The following DCC variants were observed in gnomAD, a reference collection of about 807,000 sequenced individuals.
DCC encodes DCC netrin 1 receptor.
Under a neutral mutation model 172.5 loss-of-function variants are expected in DCC, and 58 were observed. That is an observed-to-expected ratio of 0.34 (90% CI 0.27 to 0.42). The LOEUF is 0.42. Ranked by LOEUF, DCC falls within the 10% of genes least tolerant of loss-of-function variation. The pLI, the probability that DCC is intolerant of heterozygous loss-of-function variation, is 1.00. For missense variants in DCC, 1,740 were observed against 1,791.0 expected (o/e 0.97, Z 0.51); for synonymous variants, 709 against 644.5 (o/e 1.10, Z -1.52).
intron 9 of DCC, among the ~76,000 whole-genome samples, chr18:53,189,067 C>A (rs1252139073): frequency 6.6e-6 from 1 of 152,080 alleles, no homozygotes; most frequent in Admixed American, 6.5e-5. Context: ...CCCTGTGAAT[C>A]TTAGTAAGAA....
chr18:52,766,648 G>A (rs1033323860), intron 2 of DCC, among the ~76,000 whole-genome samples: 1 of 151,972 alleles, frequency 6.6e-6, no homozygotes, highest in African/African-American at 2.4e-5. Flanking sequence ...CTGTTCCTCT[G>A]AAGTCAAGCC....
chr18:53,446,888 A>G (rs1912645011), intron 22 of DCC, among the ~76,000 whole-genome samples: 1 of 152,136 alleles, frequency 6.6e-6, no homozygotes, highest in Admixed American at 6.6e-5. Flanking sequence ...TGGTCCCCAA[A>G]TGTAGTGCTG....
intron 8 of DCC, among the ~76,000 whole-genome samples, chr18:53,164,528 G>A (rs1263885824): frequency 6.6e-6 from 1 of 152,168 alleles, no homozygotes; most frequent in Non-Finnish European, 1.5e-5. Context: ...CTGTGGAATT[G>A]AACCACCTGG....
At chr18:53,351,568 C>T (rs1485204610) in intron 15 of DCC, among the ~76,000 whole-genome samples, 1 of 139,840 alleles carries the variant, frequency 7.2e-6, no homozygotes, top group East Asian at 2.1e-4. Flanking sequence ...TCATCATTTT[C>T]CTTTTGTTAA....
intron 15 of DCC, among the ~76,000 whole-genome samples, chr18:53,356,034 A>C (rs1671590833): frequency 6.6e-6 from 1 of 152,058 alleles, no homozygotes; most frequent in Admixed American, 6.6e-5. Context: ...GCAATTAAAC[A>C]GATACCTTAT....
chr18:53,053,668 A>T (rs2042364370), intron 5 of DCC, among the ~76,000 whole-genome samples: 1 of 152,144 alleles, frequency 6.6e-6, no homozygotes, highest in African/African-American at 2.4e-5. Context: ...TTTCCTCTCA[A>T]ATACCAACAG....
intron 12 of DCC, among the ~76,000 whole-genome samples, chr18:53,297,675 T>G (rs1242549724): frequency 6.6e-6 from 1 of 152,184 alleles, no homozygotes; most frequent in African/African-American, 2.4e-5. Flanking sequence ...GGAAATGAAG[T>G]CTGAACTACT....
chr18:52,730,059 C>T (rs2036613373), intron 1 of DCC, among the ~76,000 whole-genome samples: 1 of 152,134 alleles, frequency 6.6e-6, no homozygotes, highest in Non-Finnish European at 1.5e-5. Flanking sequence ...AGCAAAACTT[C>T]TAAATAACCT....
chr18:53,128,866 C>CAT (rs1304598836), intron 7 of DCC, among the ~76,000 whole-genome samples: 19 of 86,908 alleles, frequency 2.2e-4, no homozygotes, highest in Non-Finnish European at 3.7e-4. Context: ...CACACACACA[C>CAT]ACACATATAT....
At chr18:52,641,514 T>A (rs965638293) in intron 1 of DCC, among the ~76,000 whole-genome samples, 1 of 151,264 alleles carries the variant, frequency 6.6e-6, no homozygotes, top group African/African-American at 2.4e-5. Flanking sequence ...AACAAATCTG[T>A]AAGAAAAAAA....
At chr18:53,293,663 C>A (rs965309698) in intron 12 of DCC, among the ~76,000 whole-genome samples, 3 of 152,026 alleles carry the variant, frequency 2.0e-5, no homozygotes, top group Non-Finnish European at 4.4e-5. Context: ...CTTTTGCCTC[C>A]CTTTTTGTGT....
intron 12 of DCC, among the ~76,000 whole-genome samples, chr18:53,301,246 C>T (rs1411106110): frequency 6.6e-6 from 1 of 151,644 alleles, no homozygotes; most frequent in African/African-American, 2.4e-5. Context: ...TGCGCTACCA[C>T]GCCTGGCTAA....
At chr18:53,320,078 T>TG (rs1389434078) in intron 13 of DCC, among the ~76,000 whole-genome samples, 1 of 148,682 alleles carries the variant, frequency 6.7e-6, no homozygotes, top group Non-Finnish European at 1.5e-5. Context: ...TACTTTTTTT[T>TG]TTTTTTTTTT....
intron 9 of DCC, among the ~76,000 whole-genome samples, chr18:53,180,953 T>C (rs2055187455): frequency 6.6e-6 from 1 of 152,198 alleles, no homozygotes; most frequent in South Asian, 2.1e-4. Context: ...TTTCTCTTCA[T>C]AGATCATCTA....
intron 1 of DCC, among the ~76,000 whole-genome samples, chr18:52,382,698 G>A (rs929473739): frequency 6.6e-6 from 1 of 152,210 alleles, no homozygotes; most frequent in African/African-American, 2.4e-5. Flanking sequence ...GATGATATCA[G>A]GGTTCTGCCT....
chr18:53,449,715 C>T (rs1375167955), intron 22 of DCC, among the ~76,000 whole-genome samples: 2 of 152,132 alleles, frequency 1.3e-5, no homozygotes, highest in East Asian at 1.9e-4. Context: ...ACCTTCCACT[C>T]AGTAGGAAAG....
chr18:52,506,596 A>T (rs759210922), intron 1 of DCC, among the ~76,000 whole-genome samples: 1 of 152,158 alleles, frequency 6.6e-6, no homozygotes, highest in South Asian at 2.1e-4. Flanking sequence ...TGCCTATGTT[A>T]CTTCAATCTG....
At chr18:52,544,223 A>T (rs1473069946) in intron 1 of DCC, among the ~76,000 whole-genome samples, 1 of 152,176 alleles carries the variant, frequency 6.6e-6, no homozygotes, top group Non-Finnish European at 1.5e-5. Context: ...TTGCCAAGTC[A>T]TTATTCCGTT....
In DCC at chr18:52,810,053, A is replaced by G. The variant is rs111401286; in HGVS notation, c.412+57679A>G. 7.0e-3 allele frequency among the ~76,000 whole-genome samples: 1,066 copies of G among 152,150 alleles called. 7 individuals carry two copies. The highest frequency in any genetic ancestry group is 0.024 in the African/African-American group (997 of 41,488). On this transcript the variant is annotated intron_variant, in intron 2 of 28. Coordinates refer to ENST00000442544, the MANE Select transcript of DCC (RefSeq NM_005215.4). ...CCAGCTAGTCCTGTCTCTCAATTTC[A>G]TAAGAGAAAAATCCTTCTAACAACC...
Sources: allele counts gnomAD v4.1 joint callset (sites outside exome capture counted in the v4.1 genomes callset), GRCh38; gene constraint gnomAD v4.1.1; transcripts MANE v1.5; gene names NCBI Gene and HGNC (gene_info 2026-07-23, HGNC 2026-07-21).